The following RYR3 variants were observed in gnomAD, a reference collection of about 807,000 sequenced individuals.
RYR3 encodes the protein ryanodine receptor 3.
A neutral mutation model predicts 584.3 loss-of-function variants in RYR3; 207 were observed. The ratio of observed to expected loss-of-function variants is 0.35; its 90% confidence interval spans 0.32 to 0.40. RYR3 has a LOEUF of 0.40. Ranked by LOEUF, RYR3 falls within the 10% of genes least tolerant of loss-of-function variation. The pLI, the probability that RYR3 is intolerant of heterozygous loss-of-function variation, is 1.00. For synonymous variants in RYR3, 2,416 were observed against 2,248.5 expected, an observed-to-expected ratio of 1.07 and a Z score of -2.11; for missense variants, 5,616 against 6,089.2, an observed-to-expected ratio of 0.92 and a Z score of 2.59.
At chr15:33,479,880 A>G (rs530400379) in intron 2 of RYR3, among the ~76,000 whole-genome samples, 5 of 152,338 alleles carry the variant, frequency 3.3e-5, no homozygotes, top group Non-Finnish European at 7.3e-5. Context: ...GCTTAAATCA[A>G]ACAGGAACTA....
rs1325273743 is a variant in RYR3 at position 33,412,812 on chromosome 15, G to A, written c.52-60607G>A. ...TTGCAAACAGATTTGCTTGTTAAAT[G>A]GAGAAAACCAAGTTTGTATGCATTT... is the stretch of plus-strand genomic sequence containing the variant. On this transcript the variant is annotated intron_variant, in intron 1 of 103. Coordinates refer to ENST00000634891, the MANE Select transcript of RYR3 (RefSeq NM_001036.6). The surrounding 1 kb of genome is among the most constrained non-coding windows in gnomAD (Gnocchi z 4.3). Among the ~76,000 whole-genome samples the A allele has an allele frequency of 6.6e-6, 1 of 152,172 alleles. No individual in the cohort carries two copies. The highest frequency in any genetic ancestry group is 6.5e-5 in the Admixed American group (1 of 15,272).
chr15:33,726,808 T>A (rs1180014636), intron 46 of RYR3, among the ~76,000 whole-genome samples: 1 of 152,254 alleles, frequency 6.6e-6, no homozygotes, highest in East Asian at 1.9e-4. Flanking sequence ...GTAATGTCAC[T>A]GAACACAGAG....
chr15:33,576,622 A>C (rs1301981124), intron 12 of RYR3, among the ~76,000 whole-genome samples: 5 of 152,250 alleles, frequency 3.3e-5, no homozygotes, highest in Non-Finnish European at 7.3e-5. Flanking sequence ...ACCTCAAAAT[A>C]ATAAAAGCCA....
chr15:33,862,262 G>A (rs12148517), intron 102 of RYR3, among the ~76,000 whole-genome samples: 1 of 151,994 alleles, frequency 6.6e-6, no homozygotes, highest in African/African-American at 2.4e-5. Context: ...GCCCAGGCTC[G>A]AGTGCAGTGG....
At chr15:33,667,019 A>C (rs1304126857) in intron 36 of RYR3, among the ~76,000 whole-genome samples, 1 of 152,256 alleles carries the variant, frequency 6.6e-6, no homozygotes, top group African/African-American at 2.4e-5. Context: ...TAATATAATT[A>C]CTGTAATTTA....
At chr15:33,543,350 T>C (rs1481714185) in intron 7 of RYR3, among the ~76,000 whole-genome samples, 1 of 152,176 alleles carries the variant, frequency 6.6e-6, no homozygotes, top group Non-Finnish European at 1.5e-5. Flanking sequence ...TGATTTTTAA[T>C]GATATCAATT....
chr15:33,735,207 A>G (rs1288886172), intron 48 of RYR3, among the ~76,000 whole-genome samples: 1 of 152,196 alleles, frequency 6.6e-6, no homozygotes, highest in Non-Finnish European at 1.5e-5. Context: ...TTAGGTGACA[A>G]TTGCTAATTA....
At chr15:33,625,332 C>T (rs28489223) in intron 20 of RYR3, among the ~76,000 whole-genome samples, 1 of 152,112 alleles carries the variant, frequency 6.6e-6, no homozygotes, top group Non-Finnish European at 1.5e-5. Context: ...TGGGTGGGGA[C>T]ACAGAGCCAA....
Position 33,664,614 on chromosome 15 carries a change from T to TATATATATATAC in RYR3, c.5619+878_5619+879insTATATATATACA, listed in dbSNP as rs1491296584. Among the ~76,000 whole-genome samples the TATATATATATAC allele has an allele frequency of 5.1e-3, 608 of 120,306 alleles. 8 individuals are homozygous for TATATATATATAC. Among genetic ancestry groups the TATATATATATAC allele is most frequent in the East Asian group, 0.039 (164 of 4,218 alleles). 78.9% of individuals were successfully genotyped at this position (120,306 alleles called of 152,430 possible). ...GTATATATATATATATATATATATATACGTATGTATACATCTGCGAGGGAG... is the reference window on the plus strand; with the variant it reads ...GTATATATATATATATATATATATATATATATATATACACGTATGTATACATCTGCGAGGGAG... On this transcript the variant is annotated intron_variant, in intron 36 of 103. Coordinates refer to ENST00000634891, the MANE Select transcript of RYR3 (RefSeq NM_001036.6).
chr15:33,334,898 A>G (rs938083766), intron 1 of RYR3, among the ~76,000 whole-genome samples: 7 of 152,358 alleles, frequency 4.6e-5, no homozygotes, highest in Non-Finnish European at 8.8e-5. Context: ...AAAAGAAGAC[A>G]TACATGCAGT....
intron 1 of RYR3, among the ~76,000 whole-genome samples, chr15:33,380,625 T>A (rs752234800): frequency 1.6e-4 from 25 of 152,204 alleles, no homozygotes; most frequent in Non-Finnish European, 3.4e-4. Flanking sequence ...TTACTTGGGC[T>A]TCATGCATCT....
chr15:33,484,473 T>C (rs1166241160), intron 2 of RYR3, among the ~76,000 whole-genome samples: 2 of 152,166 alleles, frequency 1.3e-5, no homozygotes, highest in African/African-American at 4.8e-5. Flanking sequence ...AAAGAAAAGA[T>C]AGGTGATGAG....
chr15:33,766,707 G>A (rs953431917), intron 60 of RYR3, among the ~76,000 whole-genome samples: 5 of 152,240 alleles, frequency 3.3e-5, no homozygotes, highest in Non-Finnish European at 7.3e-5. Context: ...AGAAGCAGTC[G>A]TGTTTGCACT....
intron 67 of RYR3, among the ~76,000 whole-genome samples, chr15:33,790,647 A>G (rs1594253): frequency 0.61 from 92,928 of 151,912 alleles, 29,546 homozygotes; most frequent in East Asian, 0.96. Flanking sequence ...TGTTGAATGG[A>G]CAATTGCATA....
intron 85 of RYR3, among the ~76,000 whole-genome samples, chr15:33,828,608 A>C (rs8036469): frequency 6.6e-6 from 1 of 152,052 alleles, no homozygotes; most frequent in Non-Finnish European, 1.5e-5. Flanking sequence ...CAACATTCTC[A>C]TAAGCCACAA....
rs1461958566 is a variant in RYR3, at chr15:33,835,057, G to A, written c.11553G>A (p.Gln3851=). 2 of 1,613,420 alleles carry A rather than the reference G, an allele frequency of 1.2e-6. No homozygotes were observed. Among genetic ancestry groups the A allele is most frequent in the Non-Finnish European group, 1.7e-6 (2 of 1,179,492 alleles). The change falls in exon 87 of 104, where the codon CAG becomes CAA. Residue 3851 remains glutamine, a synonymous_variant. Coordinates refer to ENST00000634891, the MANE Select transcript of RYR3 (RefSeq NM_001036.6). ...VGFLHVFANM[Q]MKLSQDSSQI... ...TCCTCCATGTCTTTGCTAATATGCA[G>A]ATGAAACTCTCTCAGGTACTGTGGC... is the stretch of plus-strand genomic sequence containing the variant.
chr15:33,421,506 C>T (rs747625660), intron 1 of RYR3, among the ~76,000 whole-genome samples: 8 of 152,148 alleles, frequency 5.3e-5, no homozygotes, highest in Middle Eastern at 3.4e-3. Flanking sequence ...AATAAAAAGG[C>T]GAAGGAAGCC....
chr15:33,613,486 G>C, intron 19 of RYR3, 111 bp downstream of exon 19: 1 of 1,120,470 alleles, frequency 8.9e-7, no homozygotes, highest in South Asian at 1.6e-5. Context: ...TGTGAACTAA[G>C]TTCCCCAGGA....
At chr15:33,586,800 G>T (rs1202112666) in intron 16 of RYR3, among the ~76,000 whole-genome samples, 1 of 152,100 alleles carries the variant, frequency 6.6e-6, no homozygotes, top group African/African-American at 2.4e-5. Flanking sequence ...AGTGATCTGT[G>T]GGGAAAGTCT....
Sources: gnomAD v4.1 joint callset for allele counts (sites outside exome capture counted in the v4.1 genomes callset) on GRCh38, gnomAD v4.1.1 for gene constraint, Gnocchi (gnomAD v3.1) non-coding constraint, MANE v1.5 for transcripts, NCBI Gene and HGNC (gene_info 2026-07-23, HGNC 2026-07-21) for gene names.